ALMS1: variants seen among roughly 807,000 people sequenced by gnomAD.
ALMS1 encodes centrosome-associated protein ALMS1.
Under a neutral mutation model 352.2 loss-of-function variants are expected in ALMS1, and 271 were observed. The ratio of observed to expected loss-of-function variants is 0.77; its 90% confidence interval spans 0.70 to 0.85. The LOEUF (loss-of-function observed/expected upper bound fraction) is 0.85. Ranked by LOEUF, ALMS1 falls within the 40% of genes least tolerant of loss-of-function variation. The probability of loss-of-function intolerance (pLI) is 0.00; values close to 1 mark genes in which losing one functional copy is unlikely to be tolerated. For missense variants in ALMS1, 5,445 were observed against 4,870.7 expected, an observed-to-expected ratio of 1.12 and a Z score of -3.51; for synonymous variants, 1,865 against 1,761.2, an observed-to-expected ratio of 1.06 and a Z score of -1.48.
chr2:73,391,348 C>T (rs1024256558), intron 1 of ALMS1, among the ~76,000 whole-genome samples: 1 of 134,980 alleles, frequency 7.4e-6, no homozygotes, highest in Non-Finnish European at 1.5e-5. Context: ...GGCTGGAGTG[C>T]AGTGGCGCAA....
intron 1 of ALMS1, among the ~76,000 whole-genome samples, chr2:73,393,297 A>C (rs571842466): frequency 1.3e-5 from 2 of 152,244 alleles, no homozygotes; most frequent in South Asian, 4.1e-4. Context: ...TATTGCTATT[A>C]CATGTAGGTC....
chr2:73,421,879 A>C (rs559161716), intron 3 of ALMS1, among the ~76,000 whole-genome samples: 3 of 152,174 alleles, frequency 2.0e-5, no homozygotes, highest in Non-Finnish European at 4.4e-5. Context: ...ACAGTGTTGC[A>C]GGCATTCTGA....
rs1553399399 is a variant in ALMS1, at chr2:73,414,475, T to TTTTTTTTTTTTGG, written c.451-4637_451-4636insGGTTTTTTTTTTT. Among the ~76,000 whole-genome samples the TTTTTTTTTTTTGG allele has an allele frequency of 1.5e-3, 112 of 73,932 alleles. 1 individual carries two copies. The highest frequency in any genetic ancestry group is 2.5e-3 in the East Asian group (7 of 2,788). The allele number at this position is 73,932 out of a possible 152,430, so 48.5% of individuals were successfully genotyped here. ...AGATATGTCATTTCTTTTTTTCCGT[T>TTTTTTTTTTTTGG]TTTTTTTTTTTTTGTTTTTTTTTTG... On this transcript the variant is annotated intron_variant, in intron 2 of 22. Transcript: ENST00000613296.
Position 73,396,080 on chromosome 2 carries a change from C to CT in ALMS1, c.324+9892dup, listed in dbSNP as rs1394297158. 2.0e-5 allele frequency among the ~76,000 whole-genome samples: 3 copies of CT among 152,292 alleles called. No homozygotes were observed. The East Asian group carries it at 5.8e-4, about 29-fold the overall frequency. On this transcript the variant is annotated intron_variant, in intron 1 of 22. Coordinates refer to ENST00000613296, the MANE Select transcript of ALMS1 (RefSeq NM_001378454.1). ...TTGTCTTAGGGAGAAAGCATCCTGT[C>CT]TTTTACCCCCGAGTATGATGTTAGT...
intron 5 of ALMS1, among the ~76,000 whole-genome samples, chr2:73,426,028 C>T (rs1005739356): frequency 6.6e-6 from 1 of 152,178 alleles, no homozygotes; most frequent in Non-Finnish European, 1.5e-5. Context: ...TGAACCATTT[C>T]TTCCCTTTGG....
chr2:73,536,743 C>G (rs1674037455), intron 12 of ALMS1, among the ~76,000 whole-genome samples: 2 of 152,072 alleles, frequency 1.3e-5, no homozygotes. Flanking sequence ...AATAATAGAA[C>G]TGATGCAAAC....
intron 9 of ALMS1, among the ~76,000 whole-genome samples, chr2:73,486,245 A>G (rs946593252): frequency 4.6e-5 from 7 of 152,164 alleles, no homozygotes; most frequent in Non-Finnish European, 1.0e-4. Context: ...ATTTTCTTGT[A>G]ACCTGTAGCT....
chr2:73,449,773 A>G lies in ALMS1; in HGVS notation c.3246A>G (p.Pro1082=), dbSNP rs532389598. ...ESLKVSAFPG[P]ADQMTDTPAV... Reference sequence around the variant, plus strand: ...TGAAAGTTTCAGCCTTCCCTGGACCAGCTGACCAGATGACTGACACACCAG... The same window carrying G: ...TGAAAGTTTCAGCCTTCCCTGGACCGGCTGACCAGATGACTGACACACCAG... The change falls in exon 8 of 23, where the codon CCA becomes CCG. Residue 1082 remains proline (P), a synonymous_variant. Coordinates refer to ENST00000613296, the MANE Select transcript of ALMS1 (RefSeq NM_001378454.1). 159 of 1,614,088 alleles carry G rather than the reference A, an allele frequency of 9.9e-5. 2 individuals carry two copies. The South Asian group carries it at 1.6e-3, about 16-fold the overall frequency.
intron 9 of ALMS1, among the ~76,000 whole-genome samples, chr2:73,473,347 A>G (rs1672506874): frequency 6.6e-6 from 1 of 152,086 alleles, no homozygotes; most frequent in Admixed American, 6.6e-5. Flanking sequence ...CTAAGTGAGC[A>G]CAGACTTCAG....
rs2104196632 is a variant in ALMS1, at chr2:73,601,427, A to C, written c.12105A>C (p.Ala4035=). 6.2e-7 allele frequency: 1 copy of C among 1,614,120 alleles called. No homozygotes were observed. The highest frequency in any genetic ancestry group is 1.6e-4 in the Middle Eastern group (1 of 6,062). Residue 4035 remains alanine (A), a synonymous_variant, in exon 19 of 23, where the codon GCA becomes GCC. Transcript: ENST00000613296. ...GRDLLRPFVR[A]TLQESLQFHR... Reference sequence around the variant, plus strand: ...ACCTACTGAGGCCATTTGTGAGAGCAACCCTTCAGGTGCAGTGACGTTGAC... The same window carrying C: ...ACCTACTGAGGCCATTTGTGAGAGCCACCCTTCAGGTGCAGTGACGTTGAC...
At position 73,507,725 on chromosome 2, in the gene ALMS1, G is replaced by C. The variant is rs189768274; in HGVS notation, c.9540-12050G>C. Reference sequence around the variant, plus strand: ...TTTTGTTAATCTTTTCGAAAAACCAGCTCCTGAATTCGTTGATTTTTTTGG... The same window carrying C: ...TTTTGTTAATCTTTTCGAAAAACCACCTCCTGAATTCGTTGATTTTTTTGG... On this transcript the variant is annotated intron_variant, in intron 10 of 22. Transcript: ENST00000613296. Among the ~76,000 whole-genome samples the C allele has an allele frequency of 9.9e-4, 151 of 152,222 alleles. 1 individual carries two copies. Among genetic ancestry groups the C allele is most frequent in the African/African-American group, 3.6e-3 (151 of 41,538 alleles).
chr2:73,596,278 A>AT (rs1487149725), intron 16 of ALMS1, among the ~76,000 whole-genome samples: 4 of 152,104 alleles, frequency 2.6e-5, no homozygotes, highest in Non-Finnish European at 2.9e-5. Context: ...TTTTTAGTGC[A>AT]TTTTTTGTGT....
intron 10 of ALMS1, among the ~76,000 whole-genome samples, chr2:73,504,790 T>C (rs570268475): frequency 6.6e-6 from 1 of 152,320 alleles, no homozygotes; most frequent in Non-Finnish European, 1.5e-5. Flanking sequence ...TTCAGGTTTG[T>C]TACATAGGTA....
chr2:73,484,004 T>G lies in ALMS1; in HGVS notation c.7675-5630T>G, dbSNP rs567419127. The stretch of plus-strand genomic sequence containing the variant: ...GATGGGTTTCCTGAATACAGCACAC[T>G]GATGGGTCTTGACTCTTTATCCAAT... On this transcript the variant is annotated intron_variant, in intron 9 of 22. Coordinates refer to ENST00000613296, the MANE Select transcript of ALMS1 (RefSeq NM_001378454.1). Among the ~76,000 whole-genome samples, 447 of 151,618 alleles carry G rather than the reference T, an allele frequency of 2.9e-3. 3 individuals carry two copies. Among genetic ancestry groups the G allele is most frequent in the Middle Eastern group, 0.01 (3 of 294 alleles).
intron 9 of ALMS1, among the ~76,000 whole-genome samples, chr2:73,484,708 A>G (rs1672788148): frequency 6.6e-6 from 1 of 152,158 alleles, no homozygotes; most frequent in African/African-American, 2.4e-5. Flanking sequence ...ACTTTCAGGT[A>G]CACCAATCAG....
rs1675678315 is a variant in ALMS1, at chr2:73,601,234, G to T, written c.11912G>T (p.Arg3971Ile). 1.2e-6 allele frequency: 2 copies of T among 1,614,080 alleles called. No individual in the cohort carries two copies. The highest frequency in any genetic ancestry group is 2.2e-5 in the South Asian group (2 of 91,070). ...WFVPVENVES[R>I]SKKENVPNTC... ...GTTCCTGTGGAAAATGTGGAGTCTA[G>T]ATCAAAGAAGGAAAACGTGCCTAAC... The change falls in exon 19 of 23, where the codon AGA becomes ATA. Residue 3971 changes from arginine to isoleucine, a missense_variant. Transcript: ENST00000613296.
chr2:73,391,795 A>G (rs1183182526), intron 1 of ALMS1, among the ~76,000 whole-genome samples: 1 of 152,208 alleles, frequency 6.6e-6, no homozygotes, highest in Admixed American at 6.5e-5. Context: ...CCATTTTCAT[A>G]AAAGGTACTT....
intron 1 of ALMS1, among the ~76,000 whole-genome samples, chr2:73,388,783 A>G (rs1311635874): frequency 6.6e-6 from 1 of 152,182 alleles, no homozygotes; most frequent in Non-Finnish European, 1.5e-5. Context: ...TGTGATAAAC[A>G]TATGAGCACA....
intron 16 of ALMS1, among the ~76,000 whole-genome samples, chr2:73,578,763 T>C (rs974020477): frequency 1.3e-5 from 2 of 152,194 alleles, no homozygotes; most frequent in Admixed American, 6.5e-5. Flanking sequence ...CCCACTAAAA[T>C]AGATTTATAA....
Sources: allele counts gnomAD v4.1 joint callset (sites outside exome capture counted in the v4.1 genomes callset), GRCh38; gene constraint gnomAD v4.1.1; transcripts MANE v1.5; gene names NCBI Gene and HGNC (gene_info 2026-07-23, HGNC 2026-07-21).